RBMS3: variants seen among roughly 807,000 people sequenced by gnomAD.
The protein encoded by RBMS3 is RNA binding motif single stranded interacting protein 3.
A neutral mutation model predicts 66.8 loss-of-function variants in RBMS3; 27 were observed. The observed-to-expected ratio is 0.40, with a 90% CI of 0.30 to 0.56. RBMS3 has a LOEUF of 0.56. Ranked by LOEUF, RBMS3 falls within the 20% of genes least tolerant of loss-of-function variation. The pLI, the probability that RBMS3 is intolerant of heterozygous loss-of-function variation, is 0.40. For missense variants in RBMS3, 513 were observed against 549.5 expected (o/e 0.93, Z 0.66); for synonymous variants, 188 against 183.0 (o/e 1.03, Z -0.22).
At chr3:29,331,153 C>T (rs544445497) in intron 1 of RBMS3, among the ~76,000 whole-genome samples, 7 of 152,188 alleles carry the variant, frequency 4.6e-5, no homozygotes, top group Admixed American at 1.3e-4. Flanking sequence ...CCAGTCTGTG[C>T]GCTGCCTGGT....
intron 3 of RBMS3, among the ~76,000 whole-genome samples, chr3:29,561,891 C>A (rs2046568937): frequency 6.6e-6 from 1 of 152,086 alleles, no homozygotes; most frequent in African/African-American, 2.4e-5. Context: ...AATGTCTGTT[C>A]ATGTCCTTTG....
intron 6 of RBMS3, among the ~76,000 whole-genome samples, chr3:29,764,881 G>A (rs1219185805): frequency 6.6e-6 from 1 of 151,856 alleles, no homozygotes; most frequent in African/African-American, 2.4e-5. Flanking sequence ...TTGGTTATGA[G>A]TTTTCTCACT....
At chr3:29,385,525 T>C (rs1458096411) in intron 1 of RBMS3, among the ~76,000 whole-genome samples, 6 of 152,162 alleles carry the variant, frequency 3.9e-5, no homozygotes, top group Non-Finnish European at 8.8e-5. Flanking sequence ...CTGGTGCCAG[T>C]GGGCCTTCTT....
At chr3:29,672,472 A>C (rs537662418) in intron 4 of RBMS3, among the ~76,000 whole-genome samples, 1 of 152,350 alleles carries the variant, frequency 6.6e-6, no homozygotes, top group South Asian at 2.1e-4. Flanking sequence ...AAATGCTCCA[A>C]TTAAAAGACA....
chr3:29,537,980 T>G (rs1230570803), intron 3 of RBMS3, among the ~76,000 whole-genome samples: 28 of 152,150 alleles, frequency 1.8e-4, no homozygotes, highest in Non-Finnish European at 4.4e-5. Context: ...GCATATATAT[T>G]TAAGTTTTGC....
chr3:29,553,858 A>C (rs1448253000), intron 3 of RBMS3, among the ~76,000 whole-genome samples: 1 of 150,236 alleles, frequency 6.7e-6, no homozygotes, highest in African/African-American at 2.5e-5. Context: ...TTATCTCCTG[A>C]AAGGTACACT....
chr3:29,343,870 T>C (rs777366991), intron 1 of RBMS3, among the ~76,000 whole-genome samples: 6 of 152,200 alleles, frequency 3.9e-5, no homozygotes, highest in Non-Finnish European at 7.3e-5. Flanking sequence ...ATGTAGCAGA[T>C]TGGGCTGCAC....
At chr3:29,650,503 T>C (rs191998362) in intron 4 of RBMS3, among the ~76,000 whole-genome samples, 8 of 152,192 alleles carry the variant, frequency 5.3e-5, no homozygotes, top group African/African-American at 1.7e-4. Flanking sequence ...TTGTGGCCCA[T>C]GTAGGTCTCA....
chr3:29,810,011 A>C (rs1406245646), intron 6 of RBMS3, among the ~76,000 whole-genome samples: 3 of 152,002 alleles, frequency 2.0e-5, no homozygotes, highest in Non-Finnish European at 1.5e-5. Context: ...GTTTTAAGGA[A>C]TTTGCTTGCA....
In RBMS3 at chr3:29,659,031, A is replaced by G. The variant is rs1196571079; in HGVS notation, c.399+71826A>G. On this transcript the variant is annotated intron_variant, in intron 4 of 14. Transcript: ENST00000383767. ...ATGGGGTTTCACCGTGTTAGCCAGG[A>G]TGGTCTTGATCTCCTGACCTCGTAA... Among the ~76,000 whole-genome samples the G allele has an allele frequency of 2.7e-4, 41 of 152,048 alleles. 1 individual carries two copies. Among genetic ancestry groups the G allele is most frequent in the Admixed American group, 2.5e-3 (38 of 15,264 alleles).
chr3:29,883,116 A>G (rs763718105), intron 7 of RBMS3, among the ~76,000 whole-genome samples: 1 of 152,118 alleles, frequency 6.6e-6, no homozygotes, highest in Admixed American at 6.6e-5. Context: ...TCCATTCAAC[A>G]TTGTAAGCAT....
intron 12 of RBMS3, among the ~76,000 whole-genome samples, chr3:29,983,932 A>G (rs1698185566): frequency 6.6e-6 from 1 of 151,954 alleles, no homozygotes; most frequent in African/African-American, 2.4e-5. Context: ...TGTTCTCTGT[A>G]TTTCCTGAAT....
intron 12 of RBMS3, among the ~76,000 whole-genome samples, chr3:29,975,286 C>T (rs564796917): frequency 6.6e-6 from 1 of 151,310 alleles, no homozygotes; most frequent in Non-Finnish European, 1.5e-5. Context: ...TTGATACATA[C>T]ATAGGAGTGT....
At chr3:29,923,637 G>T (rs1341924415) in intron 10 of RBMS3, among the ~76,000 whole-genome samples, 1 of 152,108 alleles carries the variant, frequency 6.6e-6, no homozygotes, top group Non-Finnish European at 1.5e-5. Flanking sequence ...AAAAAAACTG[G>T]TTCTGAATAA....
At chr3:29,650,279 CTT>C (rs560594950) in intron 4 of RBMS3, among the ~76,000 whole-genome samples, 8,730 of 96,012 alleles carry the variant, frequency 0.091, 245 homozygotes, top group Middle Eastern at 0.11. Flanking sequence ...TCCTTTCTTT[CTT>C]TTTTTTTTTT....
chr3:29,281,077 C>G lies in RBMS3; in HGVS notation c.-605C>G, dbSNP rs2031712454. 7.0e-6 allele frequency: 1 copy of G among 143,154 alleles called. No homozygotes were observed. Among genetic ancestry groups the G allele is most frequent in the African/African-American group, 2.6e-5 (1 of 38,216 alleles). 8.9% of individuals were successfully genotyped at this position (143,154 alleles called of 1,614,324 possible). ...AGGACAAGCCCCGAACACCATGTCA[C>G]TCTGGGAGGGAGACAGCAGCAACTA... On this transcript the variant is annotated 5_prime_UTR_variant, in exon 1 of 15. Coordinates refer to ENST00000383767, the MANE Select transcript of RBMS3 (RefSeq NM_001003793.3).
At chr3:29,677,491 G>C (rs58283814) in intron 4 of RBMS3, among the ~76,000 whole-genome samples, 11,892 of 151,802 alleles carry the variant, frequency 0.078, 829 homozygotes, top group African/African-American at 0.18. Context: ...TTTAGAAATG[G>C]CTTTTTAAAA....
chr3:29,662,213 T>A (rs755436492), intron 4 of RBMS3, among the ~76,000 whole-genome samples: 3 of 152,138 alleles, frequency 2.0e-5, no homozygotes, highest in Non-Finnish European at 2.9e-5. Context: ...AATATACATA[T>A]GAAAACTTAT....
intron 2 of RBMS3, among the ~76,000 whole-genome samples, chr3:29,483,339 G>C: frequency 1.3e-5 from 2 of 150,764 alleles, no homozygotes; most frequent in Middle Eastern, 3.4e-3. Context: ...AAAAGAAAAA[G>C]AAAGAAAGTT....
Sources: gnomAD v4.1 joint callset for allele counts (sites outside exome capture counted in the v4.1 genomes callset) on GRCh38, gnomAD v4.1.1 for gene constraint, MANE v1.5 for transcripts, NCBI Gene and HGNC (gene_info 2026-07-23, HGNC 2026-07-21) for gene names.